ADGRL3: variants seen among roughly 807,000 people sequenced by gnomAD.
ADGRL3 encodes calcium-independent alpha-latrotoxin receptor 3.
A neutral mutation model predicts 153.5 loss-of-function variants in ADGRL3; 62 were observed. That is an observed-to-expected ratio of 0.40 (90% confidence interval 0.33 to 0.50). ADGRL3 has a LOEUF of 0.50. Among genes scored for constraint, ADGRL3 ranks in the 20% least tolerant of loss-of-function variants. ADGRL3 has a pLI of 0.47. For missense variants in ADGRL3, 1,641 were observed against 1,859.4 expected (o/e 0.88, Z 2.16); for synonymous variants, 710 against 672.5 (o/e 1.06, Z -0.86).
chr4:61,291,480 A>G (rs2150158638), intron 1 of ADGRL3, among the ~76,000 whole-genome samples: 1 of 151,220 alleles, frequency 6.6e-6, no homozygotes, highest in South Asian at 2.1e-4. Flanking sequence ...AAGGGAATTA[A>G]GCATTTGTGA....
intron 8 of ADGRL3, among the ~76,000 whole-genome samples, chr4:61,778,005 A>G (rs995102727): frequency 2.0e-5 from 3 of 152,168 alleles, no homozygotes; most frequent in Admixed American, 1.3e-4. Flanking sequence ...GAAATCTGAA[A>G]TGCTCCAAAA....
At chr4:61,757,651 G>T (rs568614301) in intron 8 of ADGRL3, among the ~76,000 whole-genome samples, 4 of 151,974 alleles carry the variant, frequency 2.6e-5, no homozygotes, top group African/African-American at 7.2e-5. Context: ...GTTATTTCTT[G>T]CCTTCTACTA....
chr4:61,396,750 A>C (rs1359314403), intron 2 of ADGRL3, among the ~76,000 whole-genome samples: 1 of 151,888 alleles, frequency 6.6e-6, no homozygotes, highest in African/African-American at 2.4e-5. Flanking sequence ...CTATAAATCT[A>C]CTTTTTTTTC....
intron 5 of ADGRL3, among the ~76,000 whole-genome samples, chr4:61,666,067 G>T (rs953105326): frequency 2.6e-5 from 4 of 152,168 alleles, no homozygotes; most frequent in African/African-American, 9.7e-5. Flanking sequence ...ACAGAGGTAG[G>T]TGCCAGACTT....
In ADGRL3 at chr4:61,973,132, C is replaced by T. The variant is rs970645359; in HGVS notation, c.2806-6431C>T. ...TCTGTCTCTCTATCTCGTTTGCTGA[C>T]TTGCTTTTTTGACAATAAAGTTAGA... On this transcript the variant is annotated intron_variant, in intron 17 of 26. Coordinates refer to ENST00000683033, the MANE Select transcript of ADGRL3 (RefSeq NM_001387552.1). 2.0e-5 allele frequency among the ~76,000 whole-genome samples: 3 copies of T among 151,918 alleles called. No homozygotes were observed. The East Asian group carries it at 5.8e-4, about 29-fold the overall frequency.
chr4:61,302,467 A>ACT (rs2094610307), intron 1 of ADGRL3, among the ~76,000 whole-genome samples: 1 of 152,086 alleles, frequency 6.6e-6, no homozygotes, highest in African/African-American at 2.4e-5. Context: ...AAAGTTGAAC[A>ACT]GTGTGTGGAA....
intron 1 of ADGRL3, among the ~76,000 whole-genome samples, chr4:61,275,864 A>G (rs1474494117): frequency 6.6e-6 from 1 of 152,224 alleles, no homozygotes; most frequent in East Asian, 1.9e-4. Flanking sequence ...AAATAAAAGT[A>G]GAAAACTAAA....
chr4:61,348,747 A>C (rs1411965601), intron 1 of ADGRL3, among the ~76,000 whole-genome samples: 1 of 152,038 alleles, frequency 6.6e-6, no homozygotes, highest in African/African-American at 2.4e-5. Context: ...ACTTTATTAG[A>C]CACTGTTTCA....
intron 2 of ADGRL3, among the ~76,000 whole-genome samples, chr4:61,467,400 G>T (rs1488611238): frequency 6.6e-6 from 1 of 151,870 alleles, no homozygotes; most frequent in Non-Finnish European, 1.5e-5. Flanking sequence ...TATAGGGTCT[G>T]ATACTCTAGA....
chr4:61,626,567 G>A (rs1346188186), intron 5 of ADGRL3, among the ~76,000 whole-genome samples: 1 of 151,960 alleles, frequency 6.6e-6, no homozygotes, highest in Non-Finnish European at 1.5e-5. Flanking sequence ...TTAACTTTAA[G>A]CCCAAGGATA....
intron 8 of ADGRL3, among the ~76,000 whole-genome samples, chr4:61,795,180 T>A (rs1273751733): frequency 6.6e-6 from 1 of 152,202 alleles, no homozygotes; most frequent in Non-Finnish European, 1.5e-5. Flanking sequence ...CAGGCTGGAC[T>A]GCAGTAGCAT....
intron 9 of ADGRL3, among the ~76,000 whole-genome samples, chr4:61,866,981 A>G (rs1228326359): frequency 6.6e-6 from 1 of 152,186 alleles, no homozygotes; most frequent in Non-Finnish European, 1.5e-5. Flanking sequence ...CACAGACCGT[A>G]TAAGGATTAT....
chr4:61,300,892 G>C (rs2094561616), intron 1 of ADGRL3, among the ~76,000 whole-genome samples: 1 of 151,676 alleles, frequency 6.6e-6, no homozygotes, highest in Non-Finnish European at 1.5e-5. Flanking sequence ...AGCCTCCCGA[G>C]TAGCTGGGAT....
At chr4:61,739,007 A>G (rs2096551483) in intron 8 of ADGRL3, among the ~76,000 whole-genome samples, 1 of 152,144 alleles carries the variant, frequency 6.6e-6, no homozygotes, top group Non-Finnish European at 1.5e-5. Context: ...GTTGTCACCT[A>G]TTCTGCATGA....
chr4:61,677,019 A>C (rs570132861), intron 6 of ADGRL3, 84 bp downstream of exon 6: 1 of 878,908 alleles, frequency 1.1e-6, no homozygotes. Flanking sequence ...TCTCTATGAA[A>C]ACATAAATCA....
At chr4:61,640,445 T>C (rs554694267) in intron 5 of ADGRL3, among the ~76,000 whole-genome samples, 13 of 152,292 alleles carry the variant, frequency 8.5e-5, no homozygotes, top group Non-Finnish European at 1.8e-4. Context: ...AACAGTTCCA[T>C]TATGTGGGAT....
chr4:61,657,255 T>C (rs1193026642), intron 5 of ADGRL3, among the ~76,000 whole-genome samples: 1 of 152,096 alleles, frequency 6.6e-6, no homozygotes, highest in African/African-American at 2.4e-5. Context: ...AATTAGACTA[T>C]AGGGAATGCT....
chr4:61,467,294 C>T (rs963027254), intron 2 of ADGRL3, among the ~76,000 whole-genome samples: 3 of 151,970 alleles, frequency 2.0e-5, no homozygotes, highest in South Asian at 2.1e-4. Context: ...CCTTAAAGCA[C>T]GTGATAATAT....
Position 61,733,075 on chromosome 4 carries a change from G to A in ADGRL3, c.920G>A (p.Ser307Asn), listed in dbSNP as rs2096464681. 2 of 1,613,730 alleles carry A rather than the reference G, an allele frequency of 1.2e-6. No homozygotes were observed. The highest frequency in any genetic ancestry group is 1.7e-6 in the Non-Finnish European group (2 of 1,179,830). ...VKFDLRTRIK[S>N]GEAIIANANY... is the part of the protein sequence containing the mutation. The stretch of plus-strand genomic sequence containing the variant: ...TTTGATTTGCGGACTAGGATAAAGA[G>A]TGGAGAGGCTATCATAGCAAATGCC... Residue 307 changes from serine (S) to asparagine (N), a missense_variant, in exon 8 of 27, where the codon AGT (serine) becomes AAT (asparagine). Physicochemically the swap from Ser to Asn is conservative, Grantham distance 46. Coordinates refer to ENST00000683033, the MANE Select transcript of ADGRL3 (RefSeq NM_001387552.1).
Sources: allele counts gnomAD v4.1 joint callset (sites outside exome capture counted in the v4.1 genomes callset), GRCh38; gene constraint gnomAD v4.1.1; transcripts MANE v1.5; gene names NCBI Gene and HGNC (gene_info 2026-07-23, HGNC 2026-07-21).